Variants in ANKS3 observed in about 807,000 individuals in gnomAD.
ANKS3 encodes the protein ankyrin repeat and sterile alpha motif domain containing 3.
A neutral mutation model predicts 80.7 loss-of-function variants in ANKS3; 62 were observed. The observed-to-expected ratio is 0.77, with a 90% CI of 0.63 to 0.95. The LOEUF is 0.95. Ranked by LOEUF, ANKS3 falls within the 40% of genes least tolerant of loss-of-function variation. ANKS3 has a pLI of 0.00. For synonymous variants in ANKS3, 489 were observed against 355.3 expected (o/e 1.38, Z -4.23); for missense variants, 1,150 against 883.6 (o/e 1.30, Z -3.82).
chr16:4,711,196 C>T (rs755627774), intron 7 of ANKS3, among the ~76,000 whole-genome samples: 2 of 150,962 alleles, frequency 1.3e-5, no homozygotes, highest in Admixed American at 6.6e-5. Flanking sequence ...CTCTGCCTCC[C>T]GGGTTCAAGG....
At position 4,734,045 on chromosome 16, in the gene ANKS3, T is replaced by C. The variant is rs1299816117; in HGVS notation, c.-178A>G. On this transcript the variant is annotated 5_prime_UTR_variant, in exon 1 of 18. Coordinates refer to ENST00000304283, the MANE Select transcript of ANKS3 (RefSeq NM_133450.4). ...AACCACATAAAGAAAATGTGGGGGC[T>C]CGGTCCTCCAGTCACGCGGCGAGCA... 12 of 982,036 alleles carry C rather than the reference T, an allele frequency of 1.2e-5. No individual in the cohort carries two copies. The highest frequency in any genetic ancestry group is 6.2e-5 in the Admixed American group (1 of 16,260). 60.8% of individuals were successfully genotyped at this position (982,036 alleles called of 1,614,324 possible).
chr16:4,696,728 G>A lies in ANKS3; in HGVS notation c.*180C>T. 2 of 492,950 alleles carry A rather than the reference G, an allele frequency of 4.1e-6. No homozygotes were observed. Among genetic ancestry groups the A allele is most frequent in the Non-Finnish European group, 3.7e-6 (1 of 269,190 alleles). The allele number at this position is 492,950 out of a possible 1,614,324, so 30.5% of individuals were successfully genotyped here. On this transcript the variant is annotated 3_prime_UTR_variant, in exon 18 of 18. Transcript: ENST00000304283. The stretch of plus-strand genomic sequence containing the variant: ...TCCCGCCTCAGTGCTGGCCCGAGCT[G>A]CCGAGCCAGGGCCGCAGCCCCCGTC...
chr16:4,698,579 G>A lies in ANKS3; in HGVS notation c.1572C>T (p.Ala524=), dbSNP rs751255198. The change falls in exon 14 of 18, where the codon GCC becomes GCT. Residue 524 remains alanine (A), a synonymous_variant. Transcript: ENST00000304283. ...GCTCCTGACACACCTGGCCCCGCGT[G>A]GCCTCTACCTCCTCGCAGCGCTGCA... is the stretch of plus-strand genomic sequence containing the variant. The part of the protein sequence containing the change: ...QLHKRCEEVE[A]TRGQVCQEQE... 18 of 1,574,808 alleles carry A rather than the reference G, an allele frequency of 1.1e-5. No homozygotes were observed. Among genetic ancestry groups the A allele is most frequent in the Non-Finnish European group, 1.4e-5 (16 of 1,167,838 alleles).
chr16:4,719,098 G>A (rs974130290), intron 6 of ANKS3, among the ~76,000 whole-genome samples: 4 of 152,130 alleles, frequency 2.6e-5, no homozygotes, highest in Non-Finnish European at 2.9e-5. Flanking sequence ...GCTTTGGGAG[G>A]CCAAGGTGGG....
intron 6 of ANKS3, among the ~76,000 whole-genome samples, chr16:4,721,783 G>A (rs1438913813): frequency 3.3e-5 from 5 of 150,840 alleles, no homozygotes; most frequent in East Asian, 1.9e-4. Flanking sequence ...GGATTACAGC[G>A]TCAGCCACCT....
At chr16:4,731,766 G>C (rs2081627877) in intron 1 of ANKS3, among the ~76,000 whole-genome samples, 187 bp from the exon 2 acceptor site, 1 of 152,190 alleles carries the variant, frequency 6.6e-6, no homozygotes, top group African/African-American at 2.4e-5. Flanking sequence ...TTTGAAGAGA[G>C]AGCTATGGGG....
chr16:4,702,703 T>G (rs761393721), intron 8 of ANKS3, among the ~76,000 whole-genome samples: 8 of 152,110 alleles, frequency 5.3e-5, no homozygotes, highest in African/African-American at 1.4e-4. Context: ...GAGACCTGGC[T>G]GAGCAGGAAG....
intron 1 of ANKS3, 31 bp from the exon 2 acceptor site, chr16:4,731,610 T>C (rs77698840): frequency 0.037 from 33,465 of 915,230 alleles, 732 homozygotes; most frequent in Middle Eastern, 0.04. Context: ...TTAATTTTTC[T>C]GGAATGGTTA....
intron 10 of ANKS3, 112 bp downstream of exon 10, chr16:4,701,322 A>C: frequency 1.5e-6 from 2 of 1,295,246 alleles, no homozygotes; most frequent in Non-Finnish European, 2.1e-6. Flanking sequence ...AGTGCAGCAC[A>C]CACGTGCAGC....
intron 11 of ANKS3, chr16:4,699,923 G>A (rs1438397279): frequency 6.6e-6 from 1 of 152,364 alleles, no homozygotes; most frequent in African/African-American, 2.4e-5. Context: ...ACAAACAAAT[G>A]TTACTCTGAC....
At chr16:4,701,621 C>G (rs551378768) in intron 9 of ANKS3, 78 bp from the exon 10 acceptor site, 17 of 1,307,668 alleles carry the variant, frequency 1.3e-5, no homozygotes, top group African/African-American at 4.4e-5. Flanking sequence ...GGCTGAGCCG[C>G]CTCCACCAGG....
chr16:4,707,348 C>G (rs921670823), intron 7 of ANKS3, among the ~76,000 whole-genome samples: 1 of 147,740 alleles, frequency 6.8e-6, no homozygotes, highest in Non-Finnish European at 1.5e-5. Flanking sequence ...GTGGCACAAT[C>G]TCGGCTCATT....
intron 15 of ANKS3, among the ~76,000 whole-genome samples, 184 bp from the exon 16 acceptor site, chr16:4,697,600 G>A (rs911537479): frequency 6.6e-6 from 1 of 151,732 alleles, no homozygotes; most frequent in Non-Finnish European, 1.5e-5. Context: ...CCTCCCACAG[G>A]CTGAGCAAAC....
At chr16:4,729,955 G>A (rs748947895) in intron 3 of ANKS3, 25 bp downstream of exon 3, 17 of 1,453,582 alleles carry the variant, frequency 1.2e-5, no homozygotes, top group Non-Finnish European at 6.4e-6. Context: ...CAAAATGTGA[G>A]AGGAAGTTCC....
intron 6 of ANKS3, among the ~76,000 whole-genome samples, chr16:4,714,592 T>G (rs1206003601): frequency 6.6e-6 from 1 of 152,236 alleles, no homozygotes; most frequent in East Asian, 1.9e-4. Flanking sequence ...ATTCGTAACT[T>G]TGATCCAAAG....
chr16:4,734,169 C>G lies in ANKS3; in HGVS notation c.-302G>C. The G allele has an allele frequency of 2.8e-6, 1 of 356,782 alleles. No individual in the cohort carries two copies. The highest frequency in any genetic ancestry group is 3.9e-6 in the Non-Finnish European group (1 of 255,932). 22.1% of individuals were successfully genotyped at this position (356,782 alleles called of 1,614,324 possible). ...CGCGGAACCCACCTGTGCTGGGCCTCAGGCCTTGCGCCGCCCTCGGGCTGC... is the reference window on the plus strand; with the variant it reads ...CGCGGAACCCACCTGTGCTGGGCCTGAGGCCTTGCGCCGCCCTCGGGCTGC... On this transcript the variant is annotated 5_prime_UTR_variant, in exon 1 of 18. Coordinates refer to ENST00000304283, the MANE Select transcript of ANKS3 (RefSeq NM_133450.4).
intron 3 of ANKS3, 162 bp from the exon 4 acceptor site, chr16:4,727,339 G>A: frequency 1.4e-6 from 1 of 691,712 alleles, no homozygotes; most frequent in East Asian, 2.7e-5. Flanking sequence ...GCAGAAAAAT[G>A]CTGACAGTTG....
chr16:4,718,988 G>C (rs1384285908), intron 6 of ANKS3, among the ~76,000 whole-genome samples: 1 of 152,184 alleles, frequency 6.6e-6, no homozygotes, highest in Admixed American at 6.6e-5. Flanking sequence ...TACATAAAGA[G>C]ACTGATAAGA....
chr16:4,732,268 G>C (rs2081659810), intron 1 of ANKS3, among the ~76,000 whole-genome samples: 1 of 152,066 alleles, frequency 6.6e-6, no homozygotes. Context: ...ACGAAGCCTG[G>C]ATAAGAAACC....
Sources: gnomAD v4.1 joint callset for allele counts (sites outside exome capture counted in the v4.1 genomes callset) on GRCh38, gnomAD v4.1.1 for gene constraint, MANE v1.5 for transcripts, NCBI Gene and HGNC (gene_info 2026-07-23, HGNC 2026-07-21) for gene names.